RAPGEF2: variants seen among roughly 807,000 people sequenced by gnomAD.
RAPGEF2 encodes the protein PDZ domain containing guanine nucleotide exchange factor (GEF) 1.
A neutral mutation model predicts 186.7 loss-of-function variants in RAPGEF2; 54 were observed. The observed-to-expected ratio is 0.29, with a 90% CI of 0.23 to 0.36. RAPGEF2 has a LOEUF of 0.36. Among genes scored for constraint, RAPGEF2 ranks in the 10% least tolerant of loss-of-function variants. RAPGEF2 has a pLI of 1.00. For missense variants in RAPGEF2, 1,532 were observed against 2,045.0 expected (o/e 0.75, Z 4.84); for synonymous variants, 712 against 705.9 (o/e 1.01, Z -0.14).
At chr4:159,230,345 G>A (rs921591165) in intron 4 of RAPGEF2, among the ~76,000 whole-genome samples, 7 of 152,134 alleles carry the variant, frequency 4.6e-5, no homozygotes, top group African/African-American at 1.7e-4. Context: ...ATTCATATGT[G>A]TGTGTTAATA....
chr4:159,125,346 A>G (rs555985758), intron 1 of RAPGEF2, among the ~76,000 whole-genome samples: 1 of 152,308 alleles, frequency 6.6e-6, no homozygotes, highest in South Asian at 2.1e-4. Flanking sequence ...TATTGTTTAC[A>G]TTTCCTTATC....
intron 4 of RAPGEF2, among the ~76,000 whole-genome samples, chr4:159,214,487 A>G (rs977749269): frequency 1.4e-5 from 2 of 147,634 alleles, no homozygotes; most frequent in African/African-American, 2.7e-5. Flanking sequence ...ATAGGAAAAC[A>G]TTGACAATTT....
rs536690020 is a variant in RAPGEF2 at position 159,344,205 on chromosome 4, T to C, written c.3278+146T>C. On this transcript the variant is annotated intron_variant, in intron 23 of 29. Transcript: ENST00000691494. Reference sequence around the variant, plus strand: ...CTGTAGCAGAATTTCAGATGGCAAATTGACTTCAAGTTTAATCTGTTGGGG... The same window carrying C: ...CTGTAGCAGAATTTCAGATGGCAAACTGACTTCAAGTTTAATCTGTTGGGG... 6 of 791,514 alleles carry C rather than the reference T, an allele frequency of 7.6e-6. No homozygotes were observed. The African/African-American group carries it at 1.0e-4, about 14-fold the overall frequency. The allele number at this position is 791,514 out of a possible 1,614,324, so 49.0% of individuals were successfully genotyped here.
At chr4:159,166,559 A>T (rs79869486) in intron 1 of RAPGEF2, among the ~76,000 whole-genome samples, 3,901 of 152,300 alleles carry the variant, frequency 0.026, 70 homozygotes, top group Non-Finnish European at 0.036. Context: ...TAACACAGCC[A>T]TTGCTACAGA....
intron 4 of RAPGEF2, among the ~76,000 whole-genome samples, chr4:159,219,522 A>AT (rs1423239671): frequency 7.3e-5 from 11 of 151,570 alleles, no homozygotes; most frequent in Admixed American, 1.3e-4. Context: ...CGTCCGGATA[A>AT]TTTTTTGTAT....
intron 1 of RAPGEF2, among the ~76,000 whole-genome samples, chr4:159,141,907 C>T (rs1742381382): frequency 6.6e-6 from 1 of 152,096 alleles, no homozygotes; most frequent in Non-Finnish European, 1.5e-5. Context: ...GCTCAACAAA[C>T]AAATGGGATC....
At chr4:159,221,255 A>G (rs760224637) in intron 4 of RAPGEF2, among the ~76,000 whole-genome samples, 5 of 152,156 alleles carry the variant, frequency 3.3e-5, no homozygotes, top group Non-Finnish European at 7.3e-5. Context: ...GTGAAAGGTT[A>G]CAGGCTTCCA....
At chr4:159,155,868 TTTAG>T (rs1201869206) in intron 1 of RAPGEF2, among the ~76,000 whole-genome samples, 3 of 152,282 alleles carry the variant, frequency 2.0e-5, no homozygotes, top group South Asian at 2.1e-4. Context: ...TTTGATATGT[TTTAG>T]TTAGTGTTGA....
At chr4:159,155,836 A>G (rs1404766209) in intron 1 of RAPGEF2, among the ~76,000 whole-genome samples, 1 of 150,992 alleles carries the variant, frequency 6.6e-6, no homozygotes, top group Non-Finnish European at 1.5e-5. Context: ...TCTCGGTACT[A>G]TTTTAATTAC....
At chr4:159,130,318 G>T (rs886143734) in intron 1 of RAPGEF2, among the ~76,000 whole-genome samples, 26 of 152,254 alleles carry the variant, frequency 1.7e-4, no homozygotes, top group Middle Eastern at 3.4e-3. Context: ...AGTCCAGTAG[G>T]TCTCAGCCTT....
At chr4:159,260,282 A>ATTT (rs879644732) in intron 7 of RAPGEF2, among the ~76,000 whole-genome samples, 4 of 144,802 alleles carry the variant, frequency 2.8e-5, no homozygotes, top group African/African-American at 1.0e-4. Flanking sequence ...ACCCAGCCTA[A>ATTT]TTTTTTTTTT....
At chr4:159,128,088 T>A (rs911036782) in intron 1 of RAPGEF2, among the ~76,000 whole-genome samples, 15 of 152,230 alleles carry the variant, frequency 9.9e-5, no homozygotes, top group African/African-American at 3.6e-4. Flanking sequence ...CCCTGTTTTA[T>A]ACATGTACCT....
rs1750418515 is a variant in RAPGEF2 at position 159,210,524 on chromosome 4, G to T, written c.222G>T (p.Trp74Cys). 1 of 1,534,576 alleles carries T rather than the reference G, an allele frequency of 6.5e-7. No individual in the cohort carries two copies. Residue 74 changes from tryptophan to cysteine, a missense_variant, in exon 4 of 30, where the codon TGG becomes TGT. This residue lies in a region of RAPGEF2 where 810 missense variants were observed against 1,210.5 expected (regional missense o/e 0.67). Coordinates refer to ENST00000691494, the MANE Select transcript of RAPGEF2 (RefSeq NM_001394067.2). ...GCCCTGATGATATTGGGACCTGCTGGTATATCCTTCTTTCTGGTTCCGTGT... is the reference window on the plus strand; with the variant it reads ...GCCCTGATGATATTGGGACCTGCTGTTATATCCTTCTTTCTGGTTCCGTGT... ...LYYPDDIGTCWYILLSGSVFI... is the reference protein window; with the variant it reads ...LYYPDDIGTCCYILLSGSVFI...
chr4:159,157,534 AACTG>A (rs751927956), intron 1 of RAPGEF2, among the ~76,000 whole-genome samples: 10 of 152,312 alleles, frequency 6.6e-5, no homozygotes, highest in Non-Finnish European at 1.2e-4. Context: ...CCTTTGACTT[AACTG>A]ACTATGTCTG....
chr4:159,341,420 T>C (rs990219357), intron 19 of RAPGEF2, 144 bp from the exon 20 acceptor site: 4 of 791,364 alleles, frequency 5.1e-6, no homozygotes, highest in Non-Finnish European at 7.7e-6. Flanking sequence ...GCAGCTGTGC[T>C]GTCTGTCTTG....
chr4:159,172,547 G>GT (rs1746022082), intron 1 of RAPGEF2, among the ~76,000 whole-genome samples: 1 of 152,148 alleles, frequency 6.6e-6, no homozygotes, highest in South Asian at 2.1e-4. Context: ...GGATGTCAGA[G>GT]TATCAATGTT....
chr4:159,138,188 G>A (rs142401500), intron 1 of RAPGEF2, among the ~76,000 whole-genome samples: 2 of 152,162 alleles, frequency 1.3e-5, no homozygotes, highest in African/African-American at 2.4e-5. Flanking sequence ...CCACCCCTAC[G>A]TTGCTGAAAG....
chr4:159,212,992 A>C (rs886787268), intron 4 of RAPGEF2, among the ~76,000 whole-genome samples: 2 of 152,224 alleles, frequency 1.3e-5, no homozygotes, highest in African/African-American at 4.8e-5. Flanking sequence ...CTCTACGTCT[A>C]ATTATTTTAA....
Position 159,198,367 on chromosome 4 carries a change from T to TTTTC in RAPGEF2, c.197+5120_197+5123dup, listed in dbSNP as rs1303658331. On this transcript the variant is annotated intron_variant, in intron 3 of 29. Transcript: ENST00000691494. ...TTCTCTCTCTTTCCTTCCTTCCTTT[T>TTTTC]TTTCTTTCTTTCCTTCCTTCCTTCC... 4.9e-5 allele frequency among the ~76,000 whole-genome samples: 6 copies of TTTTC among 123,524 alleles called. 1 individual carries two copies. Among genetic ancestry groups the TTTTC allele is most frequent in the Admixed American group, 1.7e-4 (2 of 11,986 alleles). 81.0% of individuals were successfully genotyped at this position (123,524 alleles called of 152,430 possible).
Sources: gnomAD v4.1 joint callset for allele counts (sites outside exome capture counted in the v4.1 genomes callset) on GRCh38, gnomAD v4.1.1 for gene constraint, gnomAD v4.1.1 regional missense constraint, MANE v1.5 for transcripts, NCBI Gene and HGNC (gene_info 2026-07-23, HGNC 2026-07-21) for gene names.